Variants in GATA4 observed in about 807,000 individuals in gnomAD.
The protein encoded by GATA4 is GATA binding protein 4.
Under a neutral mutation model 37.9 loss-of-function variants are expected in GATA4, and 7 were observed. That is an observed-to-expected ratio of 0.18 (90% confidence interval 0.11 to 0.35). The LOEUF (loss-of-function observed/expected upper bound fraction) is 0.35, where lower values mean the gene tolerates loss of function less well. Among genes scored for constraint, GATA4 ranks in the 10% least tolerant of loss-of-function variants. The probability of loss-of-function intolerance (pLI) is 1.00; values close to 1 mark genes in which losing one functional copy is unlikely to be tolerated. For synonymous variants in GATA4, 372 were observed against 292.6 expected (o/e 1.27, Z -2.77); for missense variants, 647 against 653.0 (o/e 0.99, Z 0.10).
chr8:11,703,975 T>G (rs1799778116), upstream of GATA4, among the ~76,000 whole-genome samples: 1 of 152,268 alleles, frequency 6.6e-6, no homozygotes, highest in Non-Finnish European at 1.5e-5. Flanking sequence ...CCGGCTGGGT[T>G]GCGGGTGATT....
At chr8:11,677,843 G>C (rs973860962) in intron 1 of GATA4, among the ~76,000 whole-genome samples, 1 of 152,054 alleles carries the variant, frequency 6.6e-6, no homozygotes, top group African/African-American at 2.4e-5. Flanking sequence ...CACAGAGCTC[G>C]TAGTTTTCTT....
chr8:11,683,044 G>GGT lies in GATA4; in HGVS notation c.-274+5981_-274+5982insGT, dbSNP rs1382273123. 3.2e-5 allele frequency: 32 copies of GGT among 985,158 alleles called. No individual in the cohort carries two copies. The African/African-American group carries it at 5.2e-4, about 16-fold the overall frequency. The allele number at this position is 985,158 out of a possible 1,614,324, so 61.0% of individuals were successfully genotyped here. On this transcript the variant is annotated intron_variant, in intron 1 of 6. Coordinates refer to the GATA4 transcript ENST00000528712. ...CAGCCTCGGTGCGCGGGGGTTTCTC[G>GGT]ACAGCTCTCTGGTGTCTCTTACCCC...
chr8:11,730,758 G>T (rs1043713246), intron 2 of GATA4, among the ~76,000 whole-genome samples: 3 of 152,232 alleles, frequency 2.0e-5, no homozygotes, highest in Non-Finnish European at 4.4e-5. Context: ...CGACTGTCCT[G>T]TGGGCAGGAA....
upstream of GATA4, among the ~76,000 whole-genome samples, chr8:11,688,511 C>T (rs1190079927): frequency 3.0e-5 from 4 of 134,816 alleles, no homozygotes; most frequent in African/African-American, 1.0e-4. Context: ...TGCATGCATG[C>T]GCGTGCGCGC....
upstream of GATA4, among the ~76,000 whole-genome samples, chr8:11,703,945 A>G (rs995984130): frequency 3.9e-5 from 6 of 152,228 alleles, no homozygotes; most frequent in South Asian, 4.1e-4. Context: ...CCTGGGCACC[A>G]CAGCGAACCC....
chr8:11,699,897 G>GAACAAATTTTAA (rs554834565), upstream of GATA4, among the ~76,000 whole-genome samples: 297 of 152,248 alleles, frequency 2.0e-3, 1 homozygote, highest in African/African-American at 6.5e-3. Context: ...AGGAAACTCA[G>GAACAAATTTTAA]AACAATTTTT....
intron 2 of GATA4, among the ~76,000 whole-genome samples, chr8:11,728,293 A>G (rs1000186958): frequency 5.9e-5 from 9 of 152,202 alleles, no homozygotes; most frequent in Non-Finnish European, 1.3e-4. Flanking sequence ...CCAGCCAAAT[A>G]TTAGTCATTA....
chr8:11,693,576 G>A lies in GATA4; in HGVS notation c.-729+916G>A, dbSNP rs990481938. The stretch of plus-strand genomic sequence containing the variant: ...ACACACACACACAGAGAGAGAGAGA[G>A]AGAGAGAGAGAGAGAGAGACAGAGG... On this transcript the variant is annotated intron_variant, in intron 1 of 2. Transcript: ENST00000526974. 4.6e-5 allele frequency among the ~76,000 whole-genome samples: 7 copies of A among 151,250 alleles called. No homozygotes were observed. The South Asian group carries it at 1.5e-3, about 32-fold the overall frequency.
rs535366548 is a variant in GATA4, at chr8:11,686,063, T to A, written c.-274+9000T>A. Among the ~76,000 whole-genome samples the A allele has an allele frequency of 7.0e-4, 107 of 152,286 alleles. 1 individual carries two copies. Among genetic ancestry groups the A allele is most frequent in the African/African-American group, 2.0e-3 (85 of 41,546 alleles). ...GGTTCCGGTTTTGAAACTGAAATAG[T>A]TTGCACTTGTAGAGAAACAAGTAGC... On this transcript the variant is annotated intron_variant, in intron 1 of 6. Coordinates refer to the GATA4 transcript ENST00000528712.
intron 1 of GATA4, among the ~76,000 whole-genome samples, chr8:11,696,431 G>T (rs79684456): frequency 0.1 from 1 of 10 alleles, no homozygotes; most frequent in African/African-American, 0.5. Context: ...TAGTGTTGCT[G>T]GGGTGTTTGT....
chr8:11,743,885 TA>T (rs576564679), intron 2 of GATA4, among the ~76,000 whole-genome samples: 180 of 152,236 alleles, frequency 1.2e-3, no homozygotes, highest in African/African-American at 4.0e-3. Context: ...GTTTCCTCTT[TA>T]AAAAAAACTT....
chr8:11,722,859 ATTC>A (rs1288425850), intron 2 of GATA4, among the ~76,000 whole-genome samples: 5 of 152,210 alleles, frequency 3.3e-5, no homozygotes, highest in Non-Finnish European at 7.3e-5. Flanking sequence ...GTTAGCTGGA[ATTC>A]TTCTATAGCA....
At chr8:11,723,755 A>G (rs1448245256) in intron 2 of GATA4, among the ~76,000 whole-genome samples, 4 of 152,232 alleles carry the variant, frequency 2.6e-5, no homozygotes, top group African/African-American at 7.2e-5. Context: ...TTCAATTCAA[A>G]TTTAGGGCTA....
At chr8:11,736,920 G>A (rs1263211243) in intron 2 of GATA4, among the ~76,000 whole-genome samples, 1 of 152,104 alleles carries the variant, frequency 6.6e-6, no homozygotes, top group Non-Finnish European at 1.5e-5. Flanking sequence ...ACGACTGCAG[G>A]GCATTGTCTC....
At chr8:11,681,138 G>A in intron 1 of GATA4, 3 of 985,300 alleles carry the variant, frequency 3.0e-6, no homozygotes, top group South Asian at 4.7e-5. Context: ...CCGAGCCCAG[G>A]GAATCTCCAG....
intron 2 of GATA4, among the ~76,000 whole-genome samples, chr8:11,718,322 T>A (rs1800525177): frequency 6.6e-6 from 1 of 152,268 alleles, no homozygotes; most frequent in South Asian, 2.1e-4. Flanking sequence ...GTTTCTTATC[T>A]GAATGATGGG....
At chr8:11,748,853 G>C in intron 2 of GATA4, 63 bp from the exon 3 acceptor site, 1 of 1,574,858 alleles carries the variant, frequency 6.3e-7, no homozygotes, top group Non-Finnish European at 8.7e-7. Flanking sequence ...TCAGATGTGA[G>C]AGCTGGGCAT....
At chr8:11,717,339 T>C (rs1022536709) in intron 2 of GATA4, among the ~76,000 whole-genome samples, 10 of 152,244 alleles carry the variant, frequency 6.6e-5, no homozygotes, top group Non-Finnish European at 1.2e-4. Flanking sequence ...GTAGCCTGTA[T>C]CTTGCATGTC....
At chr8:11,738,422 G>C (rs1801565046) in intron 2 of GATA4, among the ~76,000 whole-genome samples, 2 of 152,088 alleles carry the variant, frequency 1.3e-5, no homozygotes, top group African/African-American at 4.8e-5. Context: ...GAATATCAAT[G>C]TAATGTCCAT....
Sources: allele counts gnomAD v4.1 joint callset (sites outside exome capture counted in the v4.1 genomes callset), GRCh38; gene constraint gnomAD v4.1.1; transcripts MANE v1.5; gene names NCBI Gene and HGNC (gene_info 2026-07-23, HGNC 2026-07-21).